Variants in EGFLAM observed in about 807,000 individuals in gnomAD.
The protein encoded by EGFLAM is EGF like, fibronectin type III and laminin G domains.
A neutral mutation model predicts 113.1 loss-of-function variants in EGFLAM; 79 were observed. That is an observed-to-expected ratio of 0.70 (90% confidence interval 0.58 to 0.84). The LOEUF is 0.84. Ranked by LOEUF, EGFLAM falls within the 40% of genes least tolerant of loss-of-function variation. The pLI is 0.00. For missense variants in EGFLAM, 1,265 were observed against 1,291.6 expected (o/e 0.98, Z 0.32); for synonymous variants, 504 against 487.6 (o/e 1.03, Z -0.44).
At chr5:38,414,521 G>T (rs1225259507) in intron 11 of EGFLAM, among the ~76,000 whole-genome samples, 5 of 152,096 alleles carry the variant, frequency 3.3e-5, no homozygotes, top group Non-Finnish European at 7.4e-5. Context: ...AAAAAGGGAG[G>T]TGATGATCTT....
Position 38,305,617 on chromosome 5 carries a change from G to A in EGFLAM, c.98-31903G>A. The A allele has an allele frequency of 2.0e-5, 5 of 250,530 alleles. No homozygotes were observed. The South Asian group carries it at 2.2e-4, about 11-fold the overall frequency. 15.5% of individuals were successfully genotyped at this position (250,530 alleles called of 1,614,324 possible). A position where few individuals can be genotyped will look rare whatever the true frequency, so the allele number is the denominator to read the frequency against. On this transcript the variant is annotated intron_variant, in intron 1 of 21. Coordinates refer to ENST00000322350, the MANE Select transcript of EGFLAM (RefSeq NM_152403.4). ...AAAGGCAACCAGTCCAACTGGAACA[G>A]GTCAGTAGGCTCTGGATGAAACTTA...
chr5:38,338,706 C>T lies in EGFLAM; in HGVS notation c.216C>T (p.Tyr72=). 2 of 1,614,204 alleles carry T rather than the reference C, an allele frequency of 1.2e-6. No individual in the cohort carries two copies. The highest frequency in any genetic ancestry group is 1.7e-6 in the Non-Finnish European group (2 of 1,180,010). The change falls in exon 3 of 22, where the codon TAC becomes TAT. Residue 72 remains tyrosine (Y), a synonymous_variant. Transcript: ENST00000322350. ...GTCTGCATCTTTTCAAGGTCTTTTA[C>T]TCTGAGGTTGGCGCAGATAAATCCC... is the stretch of plus-strand genomic sequence containing the variant. ...GSPILGYTVF[Y]SEVGADKSLQ...
chr5:38,317,579 A>G (rs1418041232), intron 1 of EGFLAM, among the ~76,000 whole-genome samples: 1 of 152,252 alleles, frequency 6.6e-6, no homozygotes, highest in South Asian at 2.1e-4. Context: ...TCCCAGAACC[A>G]TGAGTCTAAG....
In EGFLAM at chr5:38,439,305, C is replaced by G. The variant is rs113787945; in HGVS notation, c.2464+850C>G. On this transcript the variant is annotated intron_variant, in intron 17 of 21. Transcript: ENST00000322350. The stretch of plus-strand genomic sequence containing the variant: ...GAAGCTGAGGACACGGCCCTGGTAT[C>G]TAGAATAGGCTTCCCACATATATCC... Among the ~76,000 whole-genome samples, 65 of 151,820 alleles carry G rather than the reference C, an allele frequency of 4.3e-4. 1 individual carries two copies. Among genetic ancestry groups the G allele is most frequent in the African/African-American group, 1.5e-3 (64 of 41,384 alleles).
rs1741893930 is a variant in EGFLAM at position 38,423,311 on chromosome 5, GT to G, written c.1685-1650del. The stretch of plus-strand genomic sequence containing the variant: ...GCCATCCTGTTCACTCCCTATAGGA[GT>G]TTTTTCATCTCCTCCACTCCTATCA... On this transcript the variant is annotated intron_variant, in intron 12 of 21. Transcript: ENST00000322350. Among the ~76,000 whole-genome samples the G allele has an allele frequency of 2.6e-5, 4 of 152,218 alleles. No individual in the cohort carries two copies. In the South Asian group the frequency reaches 8.3e-4, roughly 32 times the overall value.
intron 6 of EGFLAM, among the ~76,000 whole-genome samples, chr5:38,374,152 T>C (rs1179859915): frequency 1.3e-5 from 2 of 152,210 alleles, no homozygotes; most frequent in Admixed American, 1.3e-4. Context: ...CTTGAGTTTT[T>C]GGCCACTTGT....
intron 3 of EGFLAM, among the ~76,000 whole-genome samples, 158 bp downstream of exon 3, chr5:38,338,939 T>C (rs549776866): frequency 1.1e-4 from 16 of 152,356 alleles, no homozygotes; most frequent in Middle Eastern, 3.4e-3. Context: ...ACATTTCCTC[T>C]GAACCATGCC....
rs375124152 is a variant in EGFLAM at position 38,458,401 on chromosome 5, C to T, written c.2771+7C>T. The T allele has an allele frequency of 1.2e-6, 2 of 1,613,400 alleles. No individual in the cohort carries two copies. The highest frequency in any genetic ancestry group is 1.7e-5 in the Admixed American group (1 of 59,912). On this transcript the variant is annotated splice_region_variant and intron_variant, in intron 20 of 21. Coordinates refer to ENST00000322350, the MANE Select transcript of EGFLAM (RefSeq NM_152403.4). Reference sequence around the variant, plus strand: ...ACCGAGTTAAGGCCGTTAGGTGAGTCCCTCCCGCAGCATGAGGCAGAGCCA... The same window carrying T: ...ACCGAGTTAAGGCCGTTAGGTGAGTTCCTCCCGCAGCATGAGGCAGAGCCA...
chr5:38,305,362 C>G (rs114150660), intron 1 of EGFLAM: 1 of 364,848 alleles, frequency 2.7e-6, no homozygotes, highest in African/African-American at 2.2e-5. Context: ...AATTCCATAC[C>G]CAGCCAAACT....
chr5:38,320,057 T>C (rs1342258771), intron 1 of EGFLAM, among the ~76,000 whole-genome samples: 2 of 152,306 alleles, frequency 1.3e-5, no homozygotes, highest in East Asian at 1.9e-4. Context: ...CCAGTTAAAA[T>C]TGGAAGCCAT....
intron 6 of EGFLAM, among the ~76,000 whole-genome samples, chr5:38,371,286 G>A (rs1369388938): frequency 6.6e-6 from 1 of 152,046 alleles, no homozygotes; most frequent in Non-Finnish European, 1.5e-5. Context: ...GGTAGAGCCC[G>A]GCTGCTCCTT....
In EGFLAM at chr5:38,465,198, C is replaced by T. The variant is rs1743429435; in HGVS notation, c.*1212C>T. Among the ~76,000 whole-genome samples the T allele has an allele frequency of 6.6e-6, 1 of 152,130 alleles. No individual in the cohort carries two copies. Among genetic ancestry groups the T allele is most frequent in the African/African-American group, 2.4e-5 (1 of 41,438 alleles). On this transcript the variant is annotated 3_prime_UTR_variant, in exon 22 of 22. Transcript: ENST00000322350. ...GAAACAGGACTTCTTCCTTCTGTAC[C>T]ATGAGCTGTGTCCCTTTACTATGCA... is the stretch of plus-strand genomic sequence containing the variant.
At chr5:38,435,835 T>TG (rs1742328308) in intron 16 of EGFLAM, among the ~76,000 whole-genome samples, 4 of 128,158 alleles carry the variant, frequency 3.1e-5, no homozygotes, top group Non-Finnish European at 3.3e-5. Context: ...TTTTTTTTTT[T>TG]GAGATTGAGT....
Position 38,463,824 on chromosome 5 carries a change from C to T in EGFLAM, c.2876-8C>T. On this transcript the variant is annotated splice_region_variant and splice_polypyrimidine_tract_variant and intron_variant, in intron 21 of 21. Transcript: ENST00000322350. Reference sequence around the variant, plus strand: ...GGCTCACCTCATCTCCCTCTTGCTTCCTGGCAGGTGGAATGAAGGAAATTG... The same window carrying T: ...GGCTCACCTCATCTCCCTCTTGCTTTCTGGCAGGTGGAATGAAGGAAATTG... 2 of 1,612,048 alleles carry T rather than the reference C, an allele frequency of 1.2e-6. No individual in the cohort carries two copies. The highest frequency in any genetic ancestry group is 1.7e-6 in the Non-Finnish European group (2 of 1,178,914).
intron 1 of EGFLAM, among the ~76,000 whole-genome samples, chr5:38,336,201 C>T (rs1739176850): frequency 6.6e-6 from 1 of 152,040 alleles, no homozygotes; most frequent in Non-Finnish European, 1.5e-5. Context: ...TATATATATA[C>T]TAAGTGAAAT....
chr5:38,260,279 C>T (rs1461756241), intron 1 of EGFLAM, among the ~76,000 whole-genome samples: 1 of 152,172 alleles, frequency 6.6e-6, no homozygotes, highest in Admixed American at 6.5e-5. Context: ...ATGAAATCAT[C>T]TATTAATTGT....
At chr5:38,281,100 C>T (rs915083266) in intron 1 of EGFLAM, among the ~76,000 whole-genome samples, 4 of 152,120 alleles carry the variant, frequency 2.6e-5, no homozygotes, top group African/African-American at 9.7e-5. Context: ...AATAGAAGTT[C>T]TATGAATAAG....
chr5:38,392,629 T>TGG lies in EGFLAM; in HGVS notation c.713-13491_713-13490dup, dbSNP rs36090122. Among the ~76,000 whole-genome samples, 477 of 148,308 alleles carry TGG rather than the reference T, an allele frequency of 3.2e-3. 6 individuals carry two copies. Among genetic ancestry groups the TGG allele is most frequent in the African/African-American group, 0.011 (420 of 39,074 alleles). ...CTCACCAGAATCTATTCTTTTTTTT[T>TGG]GGGGGGGCGGTTCTCACTGGGATTT... On this transcript the variant is annotated intron_variant, in intron 6 of 21. Transcript: ENST00000322350.
At chr5:38,403,910 C>G (rs771962133) in intron 6 of EGFLAM, 70 of 1,613,630 alleles carry the variant, frequency 4.3e-5, no homozygotes, top group Non-Finnish European at 5.8e-5. Flanking sequence ...CTGGCATCGA[C>G]AGGTTGAATT....
Sources: gnomAD v4.1 joint callset for allele counts (sites outside exome capture counted in the v4.1 genomes callset) on GRCh38, gnomAD v4.1.1 for gene constraint, MANE v1.5 for transcripts, NCBI Gene and HGNC (gene_info 2026-07-23, HGNC 2026-07-21) for gene names.